Variants in TTC3 observed in about 807,000 individuals in gnomAD.
The protein encoded by TTC3 is tetratricopeptide repeat domain 3.
A neutral mutation model predicts 249.6 loss-of-function variants in TTC3; 180 were observed. That is an observed-to-expected ratio of 0.72 (90% CI 0.64 to 0.82). The LOEUF (loss-of-function observed/expected upper bound fraction) is 0.82. Ranked by LOEUF, TTC3 falls within the 40% of genes least tolerant of loss-of-function variation. The probability of loss-of-function intolerance (pLI) is 0.00; values close to 1 mark genes in which losing one functional copy is unlikely to be tolerated. For synonymous variants in TTC3, 717 were observed against 805.0 expected (o/e 0.89, Z 1.85); for missense variants, 2,061 against 2,398.4 (o/e 0.86, Z 2.94).
intron 45 of TTC3, 31 bp from the exon 46 acceptor site, chr21:37,201,409 G>A: frequency 5.0e-6 from 8 of 1,612,716 alleles, no homozygotes; most frequent in Non-Finnish European, 3.4e-6. Context: ...GGTCCTGAAG[G>A]CATCTTCTGA....
chr21:37,122,116 TG>T (rs2076631920), intron 12 of TTC3, 137 bp downstream of exon 12: 2 of 763,204 alleles, frequency 2.6e-6, no homozygotes, highest in East Asian at 6.0e-5. Context: ...ATCTTGGTCA[TG>T]GCACTTGAGT....
intron 15 of TTC3, 45 bp from the exon 16 acceptor site, chr21:37,128,958 A>AT: frequency 7.0e-7 from 1 of 1,430,736 alleles, no homozygotes; most frequent in Non-Finnish European, 9.5e-7. Flanking sequence ...AGGCTTGTAG[A>AT]TTTTTATGTA....
In TTC3 at chr21:37,146,664, A is replaced by G. The variant is rs74330765; in HGVS notation, c.1894-817A>G. Among the ~76,000 whole-genome samples, 167 of 152,350 alleles carry G rather than the reference A, an allele frequency of 1.1e-3. 4 individuals are homozygous for G. In the East Asian group the frequency reaches 0.03, roughly 27 times the overall value. On this transcript the variant is annotated intron_variant, in intron 21 of 45. Transcript: ENST00000355666. ...AATAAGCAAGTCTGTATATAGTGAC[A>G]GAAAGTAGACCAGTGATTGCTGGGC...
chr21:37,156,821 C>T (rs913355915), exon 28 of TTC3: 2 of 1,613,790 alleles, frequency 1.2e-6, no homozygotes, highest in African/African-American at 2.7e-5. Flanking sequence ...TGAAGGAAGC[C>T]CGTTGTTTAA....
intron 7 of TTC3, among the ~76,000 whole-genome samples, chr21:37,092,418 G>T (rs1245066166): frequency 6.6e-6 from 1 of 152,158 alleles, no homozygotes; most frequent in Non-Finnish European, 1.5e-5. Flanking sequence ...TAGATTTTAT[G>T]GTGGAAGTAG....
At chr21:37,178,718 G>A (rs747049481) in intron 35 of TTC3, among the ~76,000 whole-genome samples, 1 of 152,168 alleles carries the variant, frequency 6.6e-6, no homozygotes, top group Non-Finnish European at 1.5e-5. Context: ...CCAGCACTTT[G>A]AGAGACCAAG....
At chr21:37,078,830 C>G (rs7275582) in intron 1 of TTC3, among the ~76,000 whole-genome samples, 21 of 151,956 alleles carry the variant, frequency 1.4e-4, no homozygotes, top group African/African-American at 4.6e-4. Context: ...TTTATACTTA[C>G]GTTCAATGGA....
exon 32 of TTC3, chr21:37,164,201 T>C (rs1261857227): frequency 5.6e-6 from 9 of 1,608,682 alleles, no homozygotes; most frequent in African/African-American, 5.3e-5. Flanking sequence ...AACAAAAATG[T>C]TCAACTCTAT....
intron 34 of TTC3, 45 bp from the exon 35 acceptor site, chr21:37,172,550 C>T: frequency 2.6e-6 from 4 of 1,568,004 alleles, no homozygotes; most frequent in Non-Finnish European, 3.5e-6. Context: ...CATAAGTAGG[C>T]ATTTTAAATG....
In TTC3 at chr21:37,085,054, T is replaced by TAA. The variant is rs141484071; in HGVS notation, c.-11-2192_-11-2191insAA. On this transcript the variant is annotated intron_variant, in intron 1 of 45. Transcript: ENST00000355666. Reference sequence around the variant, plus strand: ...ATAAAATATACCCCAGTGTCGTAATTACAGTACAATTGGTGCTGTGTGTGT... The same window carrying TAA: ...ATAAAATATACCCCAGTGTCGTAATTAAACAGTACAATTGGTGCTGTGTGTGT... Among the ~76,000 whole-genome samples the TAA allele has an allele frequency of 3.3e-3, 501 of 152,272 alleles. 23 individuals are homozygous for TAA. In the East Asian group the frequency reaches 0.089, roughly 27 times the overall value.
chr21:37,089,991 A>G (rs2073035077), intron 5 of TTC3, among the ~76,000 whole-genome samples: 2 of 151,844 alleles, frequency 1.3e-5, no homozygotes, highest in African/African-American at 4.8e-5. Flanking sequence ...TCTCAAAAAA[A>G]AAAAAAATTC....
At chr21:37,170,144 T>C (rs1056573709) in intron 34 of TTC3, among the ~76,000 whole-genome samples, 1 of 152,216 alleles carries the variant, frequency 6.6e-6, no homozygotes, top group Non-Finnish European at 1.5e-5. Flanking sequence ...ATATCCTATA[T>C]GCATAGCATA....
chr21:37,134,993 T>C (rs968655451), intron 17 of TTC3, among the ~76,000 whole-genome samples: 3 of 152,234 alleles, frequency 2.0e-5, no homozygotes, highest in Non-Finnish European at 4.4e-5. Flanking sequence ...ATTGATTGTA[T>C]GTTCTTAAGT....
rs141884251 is a variant in TTC3 at position 37,087,319 on chromosome 21, C to G, written c.62C>G (p.Pro21Arg). ...GATTATGCCTTGTTAGAAGATTGCCCTCACGTGGATGATTGTGTCTTTGCT... is the reference window on the plus strand; with the variant it reads ...GATTATGCCTTGTTAGAAGATTGCCGTCACGTGGATGATTGTGTCTTTGCT... The change falls in exon 2 of 46, where the codon CCT becomes CGT. Residue 21 changes from proline (P) to arginine (R), a missense_variant. Physicochemically the swap from Pro to Arg is moderately radical, Grantham distance 103. Around this residue, in one of 3 missense-constraint regions of TTC3, gnomAD observed 989 missense variants for 1,145.1 expected, o/e 0.86. Transcript: ENST00000355666. 2.0e-5 allele frequency: 33 copies of G among 1,614,066 alleles called. No homozygotes were observed. In the African/African-American group the frequency reaches 4.3e-4, roughly 21 times the overall value.
At chr21:37,097,313 C>T (rs551194943) in intron 10 of TTC3, among the ~76,000 whole-genome samples, 2 of 152,144 alleles carry the variant, frequency 1.3e-5, no homozygotes, top group African/African-American at 4.8e-5. Context: ...ATATATTGAG[C>T]ATTAATATTG....
intron 7 of TTC3, among the ~76,000 whole-genome samples, chr21:37,091,843 A>G (rs1446485663): frequency 6.6e-6 from 1 of 152,208 alleles, no homozygotes; most frequent in South Asian, 2.1e-4. Context: ...GGCCTCCCAA[A>G]GTGCTGGGAT....
intron 35 of TTC3, among the ~76,000 whole-genome samples, chr21:37,177,739 CT>C (rs1163395405): frequency 6.6e-6 from 1 of 152,188 alleles, no homozygotes; most frequent in Non-Finnish European, 1.5e-5. Flanking sequence ...CAACCTCAGG[CT>C]TGCTTACAGG....
At chr21:37,201,987 G>C in exon 46 of TTC3, 1 of 157,400 alleles carries the variant, frequency 6.4e-6, no homozygotes, top group Non-Finnish European at 1.4e-5. Context: ...CAAGAGAGAT[G>C]ATACTGACTT....
intron 5 of TTC3, among the ~76,000 whole-genome samples, chr21:37,089,494 A>G (rs1029038103): frequency 3.9e-5 from 6 of 152,032 alleles, no homozygotes; most frequent in Non-Finnish European, 8.8e-5. Flanking sequence ...TTATAAAAAA[A>G]ATTAAGTGCA....
Sources: gnomAD v4.1 joint callset for allele counts (sites outside exome capture counted in the v4.1 genomes callset) on GRCh38, gnomAD v4.1.1 for gene constraint, gnomAD v4.1.1 regional missense constraint, MANE v1.5 for transcripts, NCBI Gene and HGNC (gene_info 2026-07-23, HGNC 2026-07-21) for gene names.